The following ENTHD1 variants were observed in gnomAD, a reference collection of about 807,000 sequenced individuals.
ENTHD1 encodes the protein ENTH domain containing 1.
Under a neutral mutation model 39.1 loss-of-function variants are expected in ENTHD1, and 23 were observed. That is an observed-to-expected ratio of 0.59 (90% CI 0.42 to 0.83). The LOEUF is 0.83. Among genes scored for constraint, ENTHD1 ranks in the 40% least tolerant of loss-of-function variants. ENTHD1 has a pLI of 0.00. For missense variants in ENTHD1, 624 were observed against 705.4 expected (o/e 0.88, Z 1.31); for synonymous variants, 230 against 258.2 (o/e 0.89, Z 1.05).
intron 5 of ENTHD1, among the ~76,000 whole-genome samples, chr22:39,766,871 A>G (rs1263907416): frequency 1.3e-5 from 2 of 152,210 alleles, no homozygotes; most frequent in African/African-American, 4.8e-5. Context: ...TTCACCAGAA[A>G]TTCCATTTTT....
chr22:39,818,314 C>T (rs1042049776), intron 5 of ENTHD1, among the ~76,000 whole-genome samples: 1 of 152,158 alleles, frequency 6.6e-6, no homozygotes, highest in Non-Finnish European at 1.5e-5. Context: ...TGTTCCCTGG[C>T]TAAGGCTAGA....
intron 5 of ENTHD1, among the ~76,000 whole-genome samples, chr22:39,766,953 C>T (rs1345363810): frequency 6.6e-6 from 1 of 152,084 alleles, no homozygotes; most frequent in Non-Finnish European, 1.5e-5. Context: ...TGACCCTTTT[C>T]TTTCCTCACC....
chr22:39,880,662 A>T (rs553222912), intron 2 of ENTHD1, among the ~76,000 whole-genome samples: 11 of 152,332 alleles, frequency 7.2e-5, no homozygotes, highest in Non-Finnish European at 1.2e-4. Flanking sequence ...GTTTATTTTT[A>T]AAAAACTTTT....
intron 6 of ENTHD1, among the ~76,000 whole-genome samples, chr22:39,764,529 A>G (rs1394231033): frequency 6.6e-6 from 1 of 152,146 alleles, no homozygotes; most frequent in Non-Finnish European, 1.5e-5. Flanking sequence ...TATTATATGT[A>G]AGAACCAATA....
chr22:39,817,400 A>T (rs191840213), intron 5 of ENTHD1, among the ~76,000 whole-genome samples: 223 of 152,328 alleles, frequency 1.5e-3, no homozygotes, highest in Middle Eastern at 3.4e-3. Flanking sequence ...AAATATGGCA[A>T]ATCTCTACAC....
intron 5 of ENTHD1, among the ~76,000 whole-genome samples, chr22:39,814,321 G>C (rs541363921): frequency 7.3e-6 from 1 of 137,050 alleles, no homozygotes; most frequent in Non-Finnish European, 1.6e-5. Flanking sequence ...ATAACCAGGT[G>C]TGGTGGTGTG....
chr22:39,783,376 T>G (rs1044830086), intron 5 of ENTHD1, among the ~76,000 whole-genome samples: 6 of 152,112 alleles, frequency 3.9e-5, no homozygotes, highest in African/African-American at 1.4e-4. Context: ...TCAATGACAT[T>G]CTTCAGAGAA....
At chr22:39,857,471 A>AAAAAAAT (rs1555940780) in intron 3 of ENTHD1, among the ~76,000 whole-genome samples, 10 of 118,596 alleles carry the variant, frequency 8.4e-5, no homozygotes, top group Non-Finnish European at 8.8e-5. Context: ...AAAAAAAAAA[A>AAAAAAAT]GCAATCTGTG....
chr22:39,810,332 T>G lies in ENTHD1; in HGVS notation c.832+10661A>C, dbSNP rs185497767. 3.3e-5 allele frequency among the ~76,000 whole-genome samples: 5 copies of G among 152,302 alleles called. No individual in the cohort carries two copies. The East Asian group carries it at 9.6e-4, about 29-fold the overall frequency. ...GGGACTTAAGAAACCAGGTGACACA[T>G]GAAGTCTTGGCCTAGGAGCTACCTC... On this transcript the variant is annotated intron_variant, in intron 5 of 6. Coordinates refer to ENST00000325157, the MANE Select transcript of ENTHD1 (RefSeq NM_152512.4).
At chr22:39,848,332 C>A (rs1440323521) in intron 3 of ENTHD1, among the ~76,000 whole-genome samples, 1 of 151,798 alleles carries the variant, frequency 6.6e-6, no homozygotes, top group Non-Finnish European at 1.5e-5. Flanking sequence ...TGGCTCACTG[C>A]AACCTCCGCC....
rs1333648138 is a variant in ENTHD1 at position 39,887,399 on chromosome 22, C to A, written c.349+1G>T. On this transcript the variant is annotated splice_donor_variant, in intron 2 of 6. Transcript: ENST00000325157. LOFTEE classifies it high-confidence loss of function. ...CTTATATAAACTTCTTTAACCATTA[C>A]CTTGGTCTTTTCCAGCTTCATCTAT... The A allele has an allele frequency of 6.2e-7, 1 of 1,600,624 alleles. No individual in the cohort carries two copies. Among genetic ancestry groups the A allele is most frequent in the Admixed American group, 1.7e-5 (1 of 58,588 alleles).
chr22:39,796,438 T>C (rs1220130754), intron 5 of ENTHD1, among the ~76,000 whole-genome samples: 1 of 152,004 alleles, frequency 6.6e-6, no homozygotes, highest in African/African-American at 2.4e-5. Flanking sequence ...TTTTAAATTT[T>C]TTTGTAGAGA....
rs911092068 is a variant in ENTHD1 at position 39,778,979 on chromosome 22, G to A, written c.833-13370C>T. On this transcript the variant is annotated intron_variant, in intron 5 of 6. Transcript: ENST00000325157. The stretch of plus-strand genomic sequence containing the variant: ...AAATAACTACAGATATACTTAATGT[G>A]GTTAGAGAAATAAAGTATTTCTGAA... 3.9e-5 allele frequency among the ~76,000 whole-genome samples: 6 copies of A among 152,238 alleles called. No individual in the cohort carries two copies. The East Asian group carries it at 5.8e-4, about 15-fold the overall frequency.
chr22:39,810,676 A>G (rs957751543), intron 5 of ENTHD1, among the ~76,000 whole-genome samples: 9 of 152,214 alleles, frequency 5.9e-5, no homozygotes, highest in Non-Finnish European at 1.5e-5. Context: ...ACTGTCAAGG[A>G]TGACGGTAGA....
rs183139611 is a variant in ENTHD1 at position 39,837,404 on chromosome 22, A to G, written c.593-1446T>C. On this transcript the variant is annotated intron_variant, in intron 3 of 6. Coordinates refer to ENST00000325157, the MANE Select transcript of ENTHD1 (RefSeq NM_152512.4). Reference sequence around the variant, plus strand: ...TCTTTCCCCTTTCCCTCTAATAATCAATTTTCTCCCATTTTACAAAAGAAA... The same window carrying G: ...TCTTTCCCCTTTCCCTCTAATAATCGATTTTCTCCCATTTTACAAAAGAAA... Among the ~76,000 whole-genome samples, 183 of 152,258 alleles carry G rather than the reference A, an allele frequency of 1.2e-3. 1 individual carries two copies. Among genetic ancestry groups the G allele is most frequent in the African/African-American group, 3.9e-3 (164 of 41,552 alleles).
At chr22:39,758,400 T>C (rs1315262754) in intron 6 of ENTHD1, among the ~76,000 whole-genome samples, 2 of 152,128 alleles carry the variant, frequency 1.3e-5, no homozygotes, top group Non-Finnish European at 2.9e-5. Flanking sequence ...GCAGTACATA[T>C]TAGGGCTTTT....
Position 39,776,702 on chromosome 22 carries a change from C to T in ENTHD1, c.833-11093G>A, listed in dbSNP as rs117891446. ...GAAAAACAACAAAAACACCTCCATG[C>T]TTTGAGCCTAAGGACAAAAGAGAAT... On this transcript the variant is annotated intron_variant, in intron 5 of 6. Coordinates refer to ENST00000325157, the MANE Select transcript of ENTHD1 (RefSeq NM_152512.4). 5.6e-4 allele frequency among the ~76,000 whole-genome samples: 85 copies of T among 152,248 alleles called. No individual in the cohort carries two copies. The East Asian group carries it at 0.011, about 19-fold the overall frequency.
intron 6 of ENTHD1, among the ~76,000 whole-genome samples, chr22:39,756,327 C>G (rs2014234): frequency 0.054 from 8,202 of 151,808 alleles, 298 homozygotes; most frequent in Non-Finnish European, 0.077. Flanking sequence ...CACACACACA[C>G]ACACACACAC....
intron 5 of ENTHD1, among the ~76,000 whole-genome samples, chr22:39,782,220 A>G (rs78404217): frequency 6.6e-6 from 1 of 152,052 alleles, no homozygotes; most frequent in Non-Finnish European, 1.5e-5. Flanking sequence ...CTGGGAGGTA[A>G]AAGTTGCAAT....
Sources: allele counts gnomAD v4.1 joint callset (sites outside exome capture counted in the v4.1 genomes callset), GRCh38; gene constraint gnomAD v4.1.1; transcripts MANE v1.5; gene names NCBI Gene and HGNC (gene_info 2026-07-23, HGNC 2026-07-21).